GLRA2: variants seen among roughly 807,000 people sequenced by gnomAD.
GLRA2 encodes the protein glycine receptor alpha 2.
GLRA2 carries 11 observed loss-of-function variants against 31.6 expected under a neutral mutation model. That is an observed-to-expected ratio of 0.35 (90% CI 0.22 to 0.58). The LOEUF (loss-of-function observed/expected upper bound fraction) is 0.58. Ranked by LOEUF, GLRA2 falls within the 20% of genes least tolerant of loss-of-function variation. The probability of loss-of-function intolerance (pLI) is 0.84; values close to 1 mark genes in which losing one functional copy is unlikely to be tolerated. For synonymous variants in GLRA2, 132 were observed against 134.0 expected, an observed-to-expected ratio of 0.99 and a Z score of 0.10; for missense variants, 212 against 351.8, an observed-to-expected ratio of 0.60 and a Z score of 3.18.
At chrX:14,617,000 G>A (rs1009233151) in intron 7 of GLRA2, among the ~76,000 whole-genome samples, 7 of 111,417 alleles carry the variant, frequency 6.3e-5, no homozygotes, top group Non-Finnish European at 1.1e-4. Context: ...GAGATGACAC[G>A]TGAGAATTCT....
chrX:14,535,899 T>C (rs2089317263), intron 2 of GLRA2, among the ~76,000 whole-genome samples: 1 of 112,679 alleles, frequency 8.9e-6, no homozygotes, highest in Admixed American at 9.4e-5. Flanking sequence ...TTTCTTTCTT[T>C]TTGAAACAAA....
chrX:14,581,148 G>T, intron 3 of GLRA2, 35 bp from the exon 4 acceptor site: 1 of 808,418 alleles, frequency 1.2e-6, no homozygotes, highest in Non-Finnish European at 1.9e-6. Flanking sequence ...CTGTGCCAGG[G>T]TAATCAGTAA....
chrX:14,660,012 C>T lies in GLRA2; in HGVS notation c.931-30698C>T, dbSNP rs1000192550. ...CCAAGTACCCTTGGGATTTACCAGT[C>T]AAAATTTAAAGACCTCCGTAATCTT... On this transcript the variant is annotated intron_variant, in intron 7 of 8. Transcript: ENST00000218075. Among the ~76,000 whole-genome samples, 5 of 111,436 alleles carry T rather than the reference C, an allele frequency of 4.5e-5. No homozygotes were observed. In the South Asian group the frequency reaches 1.5e-3, roughly 34 times the overall value.
intron 2 of GLRA2, among the ~76,000 whole-genome samples, chrX:14,560,870 A>T (rs957328046): frequency 2.7e-5 from 3 of 109,656 alleles, no homozygotes. Context: ...TGGTAAATAC[A>T]AACATATATA....
At chrX:14,702,118 A>G (rs1304858306) in intron 8 of GLRA2, among the ~76,000 whole-genome samples, 1 of 112,030 alleles carries the variant, frequency 8.9e-6, no homozygotes, top group Non-Finnish European at 1.9e-5. Flanking sequence ...ACGGTTATGC[A>G]GAGGTTCAGA....
chrX:14,714,704 CAT>C (rs1286590246), intron 8 of GLRA2, among the ~76,000 whole-genome samples: 2 of 112,277 alleles, frequency 1.8e-5, no homozygotes, highest in East Asian at 2.8e-4. Context: ...GTAAAAATAA[CAT>C]GTGTGATCAA....
the GLRA2 span, among the ~76,000 whole-genome samples, chrX:14,493,320 C>T: frequency 1.5e-4 from 16 of 109,289 alleles, no homozygotes; most frequent in African/African-American, 5.3e-4. Flanking sequence ...CAATGGAATA[C>T]TATTCCATAA....
At chrX:14,696,336 CTG>C (rs2091446949) in intron 8 of GLRA2, among the ~76,000 whole-genome samples, 2 of 110,109 alleles carry the variant, frequency 1.8e-5, no homozygotes, top group South Asian at 7.8e-4. Context: ...GGAAGAGACA[CTG>C]TATTCAAGAG....
the GLRA2 span, among the ~76,000 whole-genome samples, chrX:14,485,663 T>C: frequency 2.0e-4 from 22 of 111,615 alleles, no homozygotes; most frequent in African/African-American, 7.2e-4. Flanking sequence ...ATCTTTATAA[T>C]GTGCCTGGTA....
the GLRA2 span, among the ~76,000 whole-genome samples, chrX:14,491,950 A>G: frequency 1.8e-5 from 2 of 111,768 alleles, no homozygotes; most frequent in African/African-American, 6.5e-5. Context: ...AAGTATGTGC[A>G]CTTTCAGAAA....
chrX:14,596,153 C>T (rs1288707934), intron 4 of GLRA2, among the ~76,000 whole-genome samples: 4 of 111,008 alleles, frequency 3.6e-5, no homozygotes, highest in Admixed American at 9.6e-5. Context: ...AGCCACCTCC[C>T]TAACTTCTTT....
chrX:14,573,185 C>G (rs1601723978), intron 2 of GLRA2, among the ~76,000 whole-genome samples: 2 of 112,032 alleles, frequency 1.8e-5, no homozygotes, highest in African/African-American at 6.5e-5. Flanking sequence ...CTTCTTTTAC[C>G]AAAAGATTTT....
chrX:14,692,731 T>C (rs1407983582), intron 8 of GLRA2, among the ~76,000 whole-genome samples: 1 of 111,815 alleles, frequency 8.9e-6, no homozygotes, highest in African/African-American at 3.2e-5. Context: ...AGACCAAAGA[T>C]GGAAAATGGG....
At chrX:14,532,726 G>A (rs546726133) in intron 2 of GLRA2, among the ~76,000 whole-genome samples, 42 of 111,391 alleles carry the variant, frequency 3.8e-4, no homozygotes, top group African/African-American at 9.4e-4. Context: ...AAGATTCAGT[G>A]GTTACTCCAA....
chrX:14,652,299 G>A (rs1265004313), intron 7 of GLRA2, among the ~76,000 whole-genome samples: 3 of 111,371 alleles, frequency 2.7e-5, no homozygotes, highest in Non-Finnish European at 5.7e-5. Context: ...GGGGATTACC[G>A]GACATAAGTA....
At chrX:14,615,536 A>T (rs2090445404) in intron 7 of GLRA2, among the ~76,000 whole-genome samples, 2 of 111,039 alleles carry the variant, frequency 1.8e-5, no homozygotes, top group South Asian at 7.6e-4. Flanking sequence ...TGGGTGGGTG[A>T]AGAAGGGAGA....
chrX:14,501,686 C>A, the GLRA2 span, among the ~76,000 whole-genome samples: 4 of 112,349 alleles, frequency 3.6e-5, no homozygotes, highest in Admixed American at 1.9e-4. Context: ...TGGATTATAG[C>A]AAGTGGCTAT....
intron 7 of GLRA2, among the ~76,000 whole-genome samples, chrX:14,671,914 G>T (rs761584975): frequency 3.6e-5 from 4 of 112,460 alleles, no homozygotes; most frequent in Non-Finnish European, 5.6e-5. Flanking sequence ...AGAATGCAGA[G>T]TAGAGGGCCT....
chrX:14,521,001 T>C, the GLRA2 span, among the ~76,000 whole-genome samples: 2 of 112,446 alleles, frequency 1.8e-5, no homozygotes, highest in Admixed American at 1.9e-4. Flanking sequence ...TGATTTCCAA[T>C]ATAACCAATG....
Sources: gnomAD v4.1 joint callset for allele counts (sites outside exome capture counted in the v4.1 genomes callset) on GRCh38, gnomAD v4.1.1 for gene constraint, MANE v1.5 for transcripts, NCBI Gene and HGNC (gene_info 2026-07-23, HGNC 2026-07-21) for gene names.